DLGAP2: variants seen among roughly 807,000 people sequenced by gnomAD.
DLGAP2 encodes disks large-associated protein 2.
A neutral mutation model predicts 100.3 loss-of-function variants in DLGAP2; 26 were observed. The ratio of observed to expected loss-of-function variants is 0.26; its 90% confidence interval spans 0.19 to 0.36. DLGAP2 has a LOEUF of 0.36. Among genes scored for constraint, DLGAP2 ranks in the 10% least tolerant of loss-of-function variants. DLGAP2 has a pLI of 1.00. For synonymous variants in DLGAP2, 886 were observed against 630.1 expected (o/e 1.41, Z -6.08); for missense variants, 1,858 against 1,453.2 (o/e 1.28, Z -4.53).
At chr8:797,912 G>C (rs1181610467) in intron 1 of DLGAP2, among the ~76,000 whole-genome samples, 1 of 152,008 alleles carries the variant, frequency 6.6e-6, no homozygotes, top group Non-Finnish European at 1.5e-5. Context: ...CACCACACCT[G>C]GCTAATTTTT....
intron 3 of DLGAP2, among the ~76,000 whole-genome samples, chr8:1,445,502 G>T: frequency 6.6e-6 from 1 of 151,832 alleles, no homozygotes; most frequent in Admixed American, 6.6e-5. Flanking sequence ...TTGGACATTT[G>T]GGTTGGTTCC....
chr8:1,381,292 A>G (rs1270434003), intron 3 of DLGAP2: 2 of 152,206 alleles, frequency 1.3e-5, no homozygotes, highest in Non-Finnish European at 2.9e-5. Context: ...ACAGATTGGC[A>G]AAGATTAATA....
intron 3 of DLGAP2, among the ~76,000 whole-genome samples, chr8:1,351,484 G>C (rs573529999): frequency 9.1e-5 from 3 of 32,986 alleles, no homozygotes; most frequent in African/African-American, 8.7e-5. Flanking sequence ...CGGGTCCTGA[G>C]TGTGTGTGGA....
intron 2 of DLGAP2, among the ~76,000 whole-genome samples, chr8:1,212,122 G>C (rs551106323): frequency 6.6e-6 from 1 of 152,108 alleles, no homozygotes; most frequent in Non-Finnish European, 1.5e-5. Flanking sequence ...AGAGAATATC[G>C]AATGTGCAGA....
At chr8:1,246,008 C>A (rs762957817) in intron 2 of DLGAP2, among the ~76,000 whole-genome samples, 2 of 152,172 alleles carry the variant, frequency 1.3e-5, no homozygotes, top group Non-Finnish European at 2.9e-5. Context: ...CTTTCTACTT[C>A]TACACTCAAA....
intron 4 of DLGAP2, among the ~76,000 whole-genome samples, chr8:1,515,217 C>G (rs1378104477): frequency 6.6e-6 from 1 of 152,120 alleles, no homozygotes; most frequent in Non-Finnish European, 1.5e-5. Context: ...ATGAGCACAC[C>G]CACCCTGCAC....
chr8:1,644,740 A>G (rs181891555), intron 8 of DLGAP2, among the ~76,000 whole-genome samples: 5 of 152,364 alleles, frequency 3.3e-5, no homozygotes, highest in Admixed American at 2.6e-4. Flanking sequence ...GCAGAGAATT[A>G]TGTTTATTAT....
intron 2 of DLGAP2, among the ~76,000 whole-genome samples, chr8:1,212,127 T>A (rs1212944341): frequency 6.6e-6 from 1 of 152,170 alleles, no homozygotes; most frequent in Admixed American, 6.5e-5. Context: ...ATATCGAATG[T>A]GCAGAAAAAG....
At position 1,151,247 on chromosome 8, in the gene DLGAP2, G is replaced by T. The variant is rs150780820; in HGVS notation, c.74-107604G>T. 1.9e-4 allele frequency among the ~76,000 whole-genome samples: 29 copies of T among 152,242 alleles called. 1 individual carries two copies. Among genetic ancestry groups the T allele is most frequent in the African/African-American group, 6.7e-4 (28 of 41,524 alleles). ...CTGCCAATTAAACTGACAAAAGATA[G>T]ATTCATAGGAGAAAAGTCATACACA... On this transcript the variant is annotated intron_variant, in intron 2 of 14. Transcript: ENST00000637795.
intron 1 of DLGAP2, among the ~76,000 whole-genome samples, chr8:796,226 A>C (rs1019281750): frequency 6.6e-6 from 1 of 152,174 alleles, no homozygotes; most frequent in African/African-American, 2.4e-5. Flanking sequence ...TTTAGCAAGC[A>C]GGTGAATTCA....
intron 3 of DLGAP2, among the ~76,000 whole-genome samples, chr8:1,313,957 A>G (rs1800670354): frequency 6.6e-6 from 1 of 152,204 alleles, no homozygotes; most frequent in South Asian, 2.1e-4. Flanking sequence ...AGTATTGGTT[A>G]TCAGATTTTT....
intron 2 of DLGAP2, among the ~76,000 whole-genome samples, chr8:1,222,392 G>T (rs1381072921): frequency 6.6e-6 from 1 of 152,132 alleles, no homozygotes. Context: ...TCTAACCCTG[G>T]GGGGCTAGGA....
intron 2 of DLGAP2, among the ~76,000 whole-genome samples, chr8:955,627 C>T (rs989684293): frequency 1.3e-5 from 2 of 152,122 alleles, no homozygotes; most frequent in Non-Finnish European, 2.9e-5. Context: ...AGTGACAGTG[C>T]TCCGTTTTTC....
chr8:1,415,961 G>T (rs1472068894), intron 3 of DLGAP2, among the ~76,000 whole-genome samples: 2 of 152,162 alleles, frequency 1.3e-5, no homozygotes, highest in African/African-American at 4.8e-5. Context: ...ATGACTAAAA[G>T]AATATTTTTT....
At chr8:773,168 G>A (rs1662916800) in intron 1 of DLGAP2, among the ~76,000 whole-genome samples, 1 of 152,188 alleles carries the variant, frequency 6.6e-6, no homozygotes, top group Admixed American at 6.5e-5. Context: ...CCCAGTCAAT[G>A]CGTCAGCAGG....
chr8:980,257 A>C (rs998366214), intron 2 of DLGAP2, among the ~76,000 whole-genome samples: 1 of 152,200 alleles, frequency 6.6e-6, no homozygotes, highest in African/African-American at 2.4e-5. Flanking sequence ...GGAAATATCC[A>C]TAGAAGGTGC....
intron 1 of DLGAP2, among the ~76,000 whole-genome samples, chr8:882,371 C>T (rs1190825256): frequency 6.7e-6 from 1 of 149,098 alleles, no homozygotes; most frequent in Non-Finnish European, 1.5e-5. Context: ...CTGCGCGCAC[C>T]CTCGCCTGAT....
intron 2 of DLGAP2, chr8:927,343 C>A: frequency 2.9e-6 from 2 of 686,058 alleles, no homozygotes; most frequent in Non-Finnish European, 3.6e-6. Context: ...CTAAAAATGA[C>A]CGTGACTGTA....
chr8:1,645,250 G>A (rs1299907000), intron 8 of DLGAP2, among the ~76,000 whole-genome samples: 2 of 152,212 alleles, frequency 1.3e-5, no homozygotes, highest in Non-Finnish European at 2.9e-5. Flanking sequence ...TCCACATTCT[G>A]TAGAAACCAT....
Sources: allele counts gnomAD v4.1 joint callset (sites outside exome capture counted in the v4.1 genomes callset), GRCh38; gene constraint gnomAD v4.1.1; transcripts MANE v1.5; gene names NCBI Gene and HGNC (gene_info 2026-07-23, HGNC 2026-07-21).